The following GMPR variants were observed in gnomAD, a reference collection of about 807,000 sequenced individuals.
The protein encoded by GMPR is GMP reductase 1.
In GMPR, 31 loss-of-function variants were observed where a neutral mutation model predicts 38.4. That is an observed-to-expected ratio of 0.81 (90% CI 0.61 to 1.09). The LOEUF (loss-of-function observed/expected upper bound fraction) is 1.09. GMPR is among the 50% of genes least tolerant of loss of function. The pLI is 0.00. For synonymous variants in GMPR, 162 were observed against 173.3 expected (o/e 0.93, Z 0.51); for missense variants, 468 against 453.7 (o/e 1.03, Z -0.29).
Position 16,274,491 on chromosome 6 carries a change from G to C in GMPR, c.542G>C (p.Gly181Ala), listed in dbSNP as rs1307687411. Reference sequence around the variant, plus strand: ...GCAGATATCATCAAAGTGGGAGTTGGACCAGGTAAGACTTGTTAGGAGCAC... The same window carrying C: ...GCAGATATCATCAAAGTGGGAGTTGCACCAGGTAAGACTTGTTAGGAGCAC... The part of the protein sequence containing the change: ...SGADIIKVGV[G>A]PGSVCTTRTK... Residue 181 changes from glycine (G) to alanine (A), a missense_variant, in exon 5 of 9, where the codon GGA (glycine) becomes GCA (alanine). Physicochemically the swap from Gly to Ala is moderately conservative, Grantham distance 60 (BLOSUM62 0). Coordinates refer to ENST00000259727, the MANE Select transcript of GMPR (RefSeq NM_006877.4). The C allele has an allele frequency of 6.3e-7, 1 of 1,579,472 alleles. No homozygotes were observed. Among genetic ancestry groups the C allele is most frequent in the East Asian group, 2.2e-5 (1 of 44,706 alleles).
chr6:16,258,569 C>T (rs1561822872), intron 4 of GMPR, among the ~76,000 whole-genome samples: 1 of 152,246 alleles, frequency 6.6e-6, no homozygotes, highest in African/African-American at 2.4e-5. Context: ...CTCTCCAGCA[C>T]CCGCTGGCTG....
At chr6:16,243,481 C>T (rs1758691904) in intron 1 of GMPR, among the ~76,000 whole-genome samples, 1 of 152,108 alleles carries the variant, frequency 6.6e-6, no homozygotes, top group Non-Finnish European at 1.5e-5. Flanking sequence ...GGCTGGGGGC[C>T]AGAACACAGT....
In GMPR at chr6:16,278,973, C is replaced by G. The variant is rs559309454; in HGVS notation, c.654+83C>G. ...TGCTCTTCTTTCACTGGCTGGGCAT[C>G]CTGTGGGCATGGGAGGGAGCTGGGC... On this transcript the variant is annotated intron_variant, in intron 6 of 8. Transcript: ENST00000259727. 77 of 829,996 alleles carry G rather than the reference C, an allele frequency of 9.3e-5. 1 individual carries two copies. In the South Asian group the frequency reaches 1.1e-3, roughly 12 times the overall value. The allele number at this position is 829,996 out of a possible 1,614,324, so 51.4% of individuals were successfully genotyped here. A position where few individuals can be genotyped will look rare whatever the true frequency, so the allele number is the denominator to read the frequency against.
chr6:16,248,727 C>T lies in GMPR; in HGVS notation c.208-1557C>T, dbSNP rs1294282128. 2.6e-5 allele frequency among the ~76,000 whole-genome samples: 4 copies of T among 152,068 alleles called. No homozygotes were observed. The East Asian group carries it at 7.7e-4, about 29-fold the overall frequency. ...TGCTAAGGAACTGGTATTTTTTTCT[C>T]CTCACCCTTTCCCTGCTCTGCTCTG... On this transcript the variant is annotated intron_variant, in intron 2 of 8. Coordinates refer to ENST00000259727, the MANE Select transcript of GMPR (RefSeq NM_006877.4).
chr6:16,251,925 T>C (rs144924839), intron 3 of GMPR, among the ~76,000 whole-genome samples: 278 of 152,324 alleles, frequency 1.8e-3, no homozygotes, highest in Non-Finnish European at 3.6e-3. Flanking sequence ...CAGGTGGTTC[T>C]GAGCTGAAGC....
chr6:16,265,520 C>T (rs1759177357), intron 4 of GMPR, among the ~76,000 whole-genome samples: 2 of 152,176 alleles, frequency 1.3e-5, no homozygotes, highest in Admixed American at 1.3e-4. Context: ...ACTTTTCTGT[C>T]TAGCCTAGAG....
intron 2 of GMPR, among the ~76,000 whole-genome samples, chr6:16,249,949 G>A (rs1426766279): frequency 1.3e-5 from 2 of 152,166 alleles, no homozygotes; most frequent in East Asian, 1.9e-4. Context: ...GACCATCAGT[G>A]CTGCTTTTGG....
chr6:16,265,717 C>T (rs1759185491), intron 4 of GMPR, among the ~76,000 whole-genome samples: 1 of 152,196 alleles, frequency 6.6e-6, no homozygotes, highest in South Asian at 2.1e-4. Flanking sequence ...CCACTCCGCA[C>T]TCTGTTAAAT....
At chr6:16,281,765 C>T (rs1759578983) in intron 6 of GMPR, among the ~76,000 whole-genome samples, 2 of 152,290 alleles carry the variant, frequency 1.3e-5, no homozygotes, top group South Asian at 2.1e-4. Context: ...GCCTCAGCCT[C>T]CCAAAGTGCT....
At chr6:16,252,426 A>C (rs185001930) in intron 3 of GMPR, among the ~76,000 whole-genome samples, 4 of 152,158 alleles carry the variant, frequency 2.6e-5, no homozygotes, top group African/African-American at 9.6e-5. Flanking sequence ...AGCCTGGCTA[A>C]ATTTTTGTAT....
At chr6:16,251,857 TA>T (rs199998627) in intron 3 of GMPR, among the ~76,000 whole-genome samples, 1 of 150,968 alleles carries the variant, frequency 6.6e-6, no homozygotes, top group Non-Finnish European at 1.5e-5. Flanking sequence ...AAGAAGCCAT[TA>T]AAAAAAAACA....
intron 1 of GMPR, among the ~76,000 whole-genome samples, chr6:16,242,057 AAC>A (rs1758659117): frequency 6.6e-6 from 1 of 152,190 alleles, no homozygotes. Context: ...TTAAAACAAA[AAC>A]AAAAAATAAA....
rs1200321792 is a variant in GMPR, at chr6:16,290,403, C to G, written c.698-59C>G. The G allele has an allele frequency of 2.0e-6, 3 of 1,508,118 alleles. No homozygotes were observed. In the East Asian group the frequency reaches 6.8e-5, roughly 34 times the overall value. The allele number at this position is 1,508,118 out of a possible 1,614,324, so 93.4% of individuals were successfully genotyped here. A position where few individuals can be genotyped will look rare whatever the true frequency, so the allele number is the denominator to read the frequency against. ...GGCAAGCACTGGGATTTTTTGAGAGCCTTTTCCCCTGAGCTGTTTTCTCTG... is the reference window on the plus strand; with the variant it reads ...GGCAAGCACTGGGATTTTTTGAGAGGCTTTTCCCCTGAGCTGTTTTCTCTG... On this transcript the variant is annotated intron_variant, in intron 7 of 8. Transcript: ENST00000259727.
At chr6:16,286,757 A>G (rs78897454) in intron 7 of GMPR, among the ~76,000 whole-genome samples, 1 of 151,766 alleles carries the variant, frequency 6.6e-6, no homozygotes, top group Admixed American at 6.6e-5. Flanking sequence ...ACAAAAAAAA[A>G]TACCGGGGTG....
chr6:16,293,545 T>C (rs1759878304), intron 8 of GMPR, among the ~76,000 whole-genome samples: 1 of 152,194 alleles, frequency 6.6e-6, no homozygotes, highest in African/African-American at 2.4e-5. Flanking sequence ...AATGAATGTC[T>C]GGTCAAGAGA....
chr6:16,262,616 A>G (rs1364160514), intron 4 of GMPR: 1 of 152,050 alleles, frequency 6.6e-6, no homozygotes, highest in Non-Finnish European at 1.5e-5. Context: ...GGCGAGGTTA[A>G]TTAAATCCTG....
chr6:16,287,896 A>G (rs763806243), intron 7 of GMPR, among the ~76,000 whole-genome samples: 5 of 152,180 alleles, frequency 3.3e-5, no homozygotes, highest in East Asian at 1.9e-4. Flanking sequence ...TGCTCTGCCA[A>G]TGTTTAAATG....
chr6:16,266,625 ACC>A (rs1177443732), intron 4 of GMPR, among the ~76,000 whole-genome samples: 1 of 151,296 alleles, frequency 6.6e-6, no homozygotes, highest in Non-Finnish European at 1.5e-5. Flanking sequence ...ACACGGTGAA[ACC>A]CCATCTCTAC....
chr6:16,280,918 A>G (rs1759560433), intron 6 of GMPR, among the ~76,000 whole-genome samples: 1 of 152,230 alleles, frequency 6.6e-6, no homozygotes, highest in Non-Finnish European at 1.5e-5. Context: ...TACTCTGAAC[A>G]TATTCTGAGA....
Sources: allele counts gnomAD v4.1 joint callset (sites outside exome capture counted in the v4.1 genomes callset), GRCh38; gene constraint gnomAD v4.1.1; transcripts MANE v1.5; gene names NCBI Gene and HGNC (gene_info 2026-07-23, HGNC 2026-07-21).